The following FBXO4 variants were observed in gnomAD, a reference collection of about 807,000 sequenced individuals.
FBXO4 encodes F-box protein 4, also known as F-box only protein 4.
Under a neutral mutation model 43.7 loss-of-function variants are expected in FBXO4, and 36 were observed. The ratio of observed to expected loss-of-function variants is 0.82; its 90% confidence interval spans 0.63 to 1.09. The LOEUF (loss-of-function observed/expected upper bound fraction) is 1.09. FBXO4 is among the 50% of genes least tolerant of loss of function. The pLI is 0.00. For missense variants in FBXO4, 435 were observed against 474.1 expected, an observed-to-expected ratio of 0.92 and a Z score of 0.77; for synonymous variants, 180 against 165.6, an observed-to-expected ratio of 1.09 and a Z score of -0.67.
chr5:41,998,919 G>A, the FBXO4 span, among the ~76,000 whole-genome samples: 9 of 152,052 alleles, frequency 5.9e-5, no homozygotes, highest in East Asian at 7.7e-4. Flanking sequence ...TTCTGAAGCC[G>A]GAAGTTAGAA....
the FBXO4 span, chr5:41,951,575 T>C: frequency 4.1e-6 from 1 of 243,980 alleles, no homozygotes; most frequent in Non-Finnish European, 7.8e-6. Flanking sequence ...CTTTTCAATC[T>C]TTTCAGGATG....
the FBXO4 span, among the ~76,000 whole-genome samples, chr5:41,992,889 C>T: frequency 3.3e-5 from 5 of 152,082 alleles, no homozygotes; most frequent in South Asian, 2.1e-4. Context: ...ATTCTATTAG[C>T]TTCTAAATGT....
rs1338278701 is a variant in FBXO4, at chr5:41,927,058, C to G, written c.235C>G (p.Leu79Val). ...YILSFLSPHD[L>V]CQLGSTNHYW... ...TTTGTCCTTTCTTTCACCTCATGAT[C>G]TGTGTCAGTTGGGAAGTACAAATCA... is the stretch of plus-strand genomic sequence containing the variant. The change falls in exon 2 of 7, where the codon CTG (leucine) becomes GTG (valine). Residue 79 changes from leucine (L) to valine (V), a missense_variant. By Grantham distance (32) the Leu-to-Val change is conservative. Transcript: ENST00000281623. 1.2e-6 allele frequency: 2 copies of G among 1,613,518 alleles called. No homozygotes were observed. The highest frequency in any genetic ancestry group is 3.3e-5 in the Admixed American group (2 of 59,936).
the FBXO4 span, among the ~76,000 whole-genome samples, chr5:41,959,571 C>T: frequency 3.3e-5 from 5 of 151,978 alleles, no homozygotes; most frequent in African/African-American, 1.2e-4. Flanking sequence ...TGCTTTGAGA[C>T]GATGGTCTAT....
the FBXO4 span, chr5:41,967,667 G>C: frequency 8.5e-6 from 6 of 704,092 alleles, no homozygotes; most frequent in Admixed American, 1.9e-5. Context: ...GCATGGAGTA[G>C]CTGGTATACG....
At chr5:41,987,719 A>G in the FBXO4 span, among the ~76,000 whole-genome samples, 2 of 152,240 alleles carry the variant, frequency 1.3e-5, no homozygotes, top group Non-Finnish European at 2.9e-5. Flanking sequence ...CCTGTAATTG[A>G]AAGTAATGGC....
At chr5:41,938,626 G>A (rs1485221796) in intron 5 of FBXO4, among the ~76,000 whole-genome samples, 1 of 152,112 alleles carries the variant, frequency 6.6e-6, no homozygotes, top group Non-Finnish European at 1.5e-5. Flanking sequence ...TCTGGAAATG[G>A]TAGTACTGAG....
the FBXO4 span, among the ~76,000 whole-genome samples, chr5:41,990,885 A>G: frequency 2.0e-5 from 3 of 152,158 alleles, no homozygotes; most frequent in African/African-American, 7.2e-5. Flanking sequence ...AAGAATATGC[A>G]TTTTCTGCCC....
chr5:41,968,718 T>C, the FBXO4 span, among the ~76,000 whole-genome samples: 1 of 152,202 alleles, frequency 6.6e-6, no homozygotes, highest in Non-Finnish European at 1.5e-5. Flanking sequence ...GATTTTTTTT[T>C]CTGTTACATA....
At chr5:41,944,326 A>C (rs1752046075), downstream of FBXO4, among the ~76,000 whole-genome samples, 1 of 152,202 alleles carries the variant, frequency 6.6e-6, no homozygotes, top group African/African-American at 2.4e-5. Context: ...ATATTGTCAA[A>C]ATAATTTTTC....
chr5:41,944,017 C>G (rs1752041719), downstream of FBXO4, among the ~76,000 whole-genome samples: 1 of 152,214 alleles, frequency 6.6e-6, no homozygotes. Flanking sequence ...TTGACACTTT[C>G]ATCTTAAACT....
chr5:41,973,416 C>T, the FBXO4 span, among the ~76,000 whole-genome samples: 3 of 152,140 alleles, frequency 2.0e-5, no homozygotes, highest in African/African-American at 7.2e-5. Flanking sequence ...TAGGCTCATG[C>T]CTATAATCCC....
At chr5:41,948,766 C>T in the FBXO4 span, among the ~76,000 whole-genome samples, 13 of 152,122 alleles carry the variant, frequency 8.5e-5, no homozygotes, top group East Asian at 2.5e-3. Context: ...TATAATTTCC[C>T]TTCAGTGAAA....
the FBXO4 span, among the ~76,000 whole-genome samples, chr5:41,994,810 G>A: frequency 6.6e-6 from 1 of 152,052 alleles, no homozygotes; most frequent in Non-Finnish European, 1.5e-5. Flanking sequence ...CCTCCCTCTG[G>A]AACTAAGACC....
the FBXO4 span, among the ~76,000 whole-genome samples, chr5:41,974,838 A>G: frequency 6.6e-6 from 1 of 151,930 alleles, no homozygotes; most frequent in Admixed American, 6.6e-5. Flanking sequence ...TGTATTCCTC[A>G]TCATTTTTTG....
At chr5:42,024,406 T>C in the FBXO4 span, among the ~76,000 whole-genome samples, 1 of 152,072 alleles carries the variant, frequency 6.6e-6, no homozygotes, top group Non-Finnish European at 1.5e-5. Flanking sequence ...TAAAATTTTA[T>C]ATGTTCTTTT....
chr5:42,024,657 A>G, the FBXO4 span, among the ~76,000 whole-genome samples: 21 of 152,046 alleles, frequency 1.4e-4, 1 homozygote, highest in East Asian at 2.9e-3. Flanking sequence ...CATTCTTTAT[A>G]AATATTTTGG....
chr5:41,974,825 T>G, the FBXO4 span, among the ~76,000 whole-genome samples: 1 of 152,188 alleles, frequency 6.6e-6, no homozygotes, highest in Non-Finnish European at 1.5e-5. Flanking sequence ...TTTCCTTACT[T>G]TTTGTATTCC....
the FBXO4 span, among the ~76,000 whole-genome samples, chr5:41,973,569 T>G: frequency 6.6e-6 from 1 of 152,158 alleles, no homozygotes; most frequent in Non-Finnish European, 1.5e-5. Flanking sequence ...AGGTCCCAGC[T>G]ACTCAGGAGG....
Sources: gnomAD v4.1 joint callset for allele counts (sites outside exome capture counted in the v4.1 genomes callset) on GRCh38, gnomAD v4.1.1 for gene constraint, MANE v1.5 for transcripts, NCBI Gene and HGNC (gene_info 2026-07-23, HGNC 2026-07-21) for gene names.